The following PAK5 variants were observed in gnomAD, a reference collection of about 807,000 sequenced individuals.
The protein encoded by PAK5 is p21 (RAC1) activated kinase 5.
A neutral mutation model predicts 65.9 loss-of-function variants in PAK5; 16 were observed. That is an observed-to-expected ratio of 0.24 (90% CI 0.16 to 0.37). The LOEUF (loss-of-function observed/expected upper bound fraction) is 0.37. Among genes scored for constraint, PAK5 ranks in the 10% least tolerant of loss-of-function variants. PAK5 has a pLI of 1.00. For missense variants in PAK5, 785 were observed against 903.9 expected (o/e 0.87, Z 1.69); for synonymous variants, 371 against 354.9 (o/e 1.05, Z -0.51).
chr20:9,802,037 T>A (rs370654831), intron 1 of PAK5, among the ~76,000 whole-genome samples: 1 of 152,090 alleles, frequency 6.6e-6, no homozygotes, highest in African/African-American at 2.4e-5. Flanking sequence ...TGAGAATCCA[T>A]AAAAAATGCT....
chr20:9,681,516 C>T (rs1194147989), intron 2 of PAK5, among the ~76,000 whole-genome samples: 1 of 152,070 alleles, frequency 6.6e-6, no homozygotes, highest in Non-Finnish European at 1.5e-5. Flanking sequence ...CCTTTTCCCC[C>T]TTCTATTAGC....
chr20:9,681,642 A>G (rs557893324), intron 2 of PAK5, among the ~76,000 whole-genome samples: 15 of 152,252 alleles, frequency 9.9e-5, no homozygotes, highest in Non-Finnish European at 1.8e-4. Flanking sequence ...TTCCTGTTCA[A>G]TGTAAGAGCC....
chr20:9,767,655 T>G (rs765158264), intron 1 of PAK5, among the ~76,000 whole-genome samples: 1 of 152,112 alleles, frequency 6.6e-6, no homozygotes, highest in Non-Finnish European at 1.5e-5. Flanking sequence ...ACCTCTTGGA[T>G]AGTTTGGGGT....
chr20:9,605,467 G>A (rs548945064), intron 3 of PAK5, among the ~76,000 whole-genome samples: 4 of 152,230 alleles, frequency 2.6e-5, no homozygotes, highest in Non-Finnish European at 4.4e-5. Context: ...GGTCTTATGC[G>A]AACTATGGAA....
chr20:9,786,997 G>A (rs2048999717), intron 1 of PAK5, among the ~76,000 whole-genome samples: 1 of 152,052 alleles, frequency 6.6e-6, no homozygotes, highest in African/African-American at 2.4e-5. Flanking sequence ...AAGTATTTCT[G>A]AATCACTCCT....
rs1022040039 is a variant in PAK5, at chr20:9,580,280, C to A, written c.855G>T (p.Arg285Ser). 6 of 1,614,008 alleles carry A rather than the reference C, an allele frequency of 3.7e-6. No individual in the cohort carries two copies. In the African/African-American group the frequency reaches 4.0e-5, roughly 11 times the overall value. The change falls in exon 4 of 10, where the codon AGG becomes AGT. Residue 285 changes from arginine (R) to serine (S), a missense_variant. Physicochemically the swap from Arg to Ser is moderately radical, Grantham distance 110. Coordinates refer to ENST00000353224, the MANE Select transcript of PAK5 (RefSeq NM_177990.4). ...CCTGGAGTCCCGAGCCTGACCTGGA[C>A]CTCTGCCGCATGGTGGGCTGAGGGC... The part of the protein sequence containing the change: ...QTSPQPTMRQ[R>S]SRSGSGLQEP...
At chr20:9,574,383 A>C (rs1041678389) in intron 4 of PAK5, among the ~76,000 whole-genome samples, 1 of 152,156 alleles carries the variant, frequency 6.6e-6, no homozygotes. Flanking sequence ...AACCCCCCAC[A>C]GTTGCTGCTT....
At chr20:9,622,035 T>G (rs2046777081) in intron 3 of PAK5, among the ~76,000 whole-genome samples, 3 of 152,014 alleles carry the variant, frequency 2.0e-5, no homozygotes. Context: ...TGCAGAAGAA[T>G]CCCCATCTGA....
chr20:9,738,698 A>G lies in PAK5; in HGVS notation c.-161-27263T>C, dbSNP rs189429224. Among the ~76,000 whole-genome samples, 197 of 152,290 alleles carry G rather than the reference A, an allele frequency of 1.3e-3. 1 individual carries two copies. The highest frequency in any genetic ancestry group is 4.5e-3 in the African/African-American group (188 of 41,568). On this transcript the variant is annotated intron_variant, in intron 1 of 9. Coordinates refer to ENST00000353224, the MANE Select transcript of PAK5 (RefSeq NM_177990.4). ...AGGAAAAGGCATGAGAGAAATTTTAAAAGGCTGTAATAAAACTTCAGAGTG... is the reference window on the plus strand; with the variant it reads ...AGGAAAAGGCATGAGAGAAATTTTAGAAGGCTGTAATAAAACTTCAGAGTG...
intron 1 of PAK5, among the ~76,000 whole-genome samples, chr20:9,800,169 G>A (rs186488066): frequency 2.6e-5 from 4 of 152,110 alleles, no homozygotes; most frequent in Admixed American, 2.6e-4. Flanking sequence ...GATATTAGCT[G>A]AGCACTAGAA....
chr20:9,697,930 C>A (rs1046131028), intron 2 of PAK5, among the ~76,000 whole-genome samples: 12 of 151,976 alleles, frequency 7.9e-5, no homozygotes, highest in Non-Finnish European at 1.3e-4. Flanking sequence ...AAAACATTGA[C>A]TAATGTTTTA....
chr20:9,808,301 A>G (rs1186658846), intron 1 of PAK5, among the ~76,000 whole-genome samples: 1 of 152,238 alleles, frequency 6.6e-6, no homozygotes, highest in Non-Finnish European at 1.5e-5. Context: ...TGTGAAAATA[A>G]GAAGTATCAA....
intron 3 of PAK5, among the ~76,000 whole-genome samples, chr20:9,623,874 C>G (rs2064984305): frequency 6.6e-6 from 1 of 152,182 alleles, no homozygotes; most frequent in Non-Finnish European, 1.5e-5. Context: ...CCTCCTTAGA[C>G]CTGCAAATAT....
At chr20:9,731,084 A>T (rs1326762377) in intron 1 of PAK5, among the ~76,000 whole-genome samples, 1 of 152,214 alleles carries the variant, frequency 6.6e-6, no homozygotes, top group Non-Finnish European at 1.5e-5. Flanking sequence ...TTGGTTGAGC[A>T]TATCCCCTTG....
chr20:9,542,608 G>A lies in PAK5; in HGVS notation c.1982C>T (p.Pro661Leu). ...AMRRIRDSLP[P>L]RVKDLHKVSS... is the part of the protein sequence containing the mutation. ...CACCTTGTGTAGGTCCTTCACTCTT[G>A]GAGGTAAACTGTCCCGGATCCTCCG... Residue 661 changes from proline to leucine, a missense_variant, in exon 9 of 10, where the codon CCA becomes CTA. Around this residue, in one of 4 missense-constraint regions of PAK5, gnomAD observed 110 missense variants for 107.4 expected, o/e 1.02. Transcript: ENST00000353224. The A allele has an allele frequency of 1.2e-6, 2 of 1,613,978 alleles. No individual in the cohort carries two copies. The highest frequency in any genetic ancestry group is 1.7e-6 in the Non-Finnish European group (2 of 1,179,954).
intron 1 of PAK5, among the ~76,000 whole-genome samples, chr20:9,798,766 A>G (rs1001364701): frequency 6.6e-6 from 1 of 152,150 alleles, no homozygotes; most frequent in South Asian, 2.1e-4. Context: ...AACAATCATG[A>G]GTGGCTGGGT....
At chr20:9,803,208 G>A (rs2049193000) in intron 1 of PAK5, among the ~76,000 whole-genome samples, 1 of 151,926 alleles carries the variant, frequency 6.6e-6, no homozygotes, top group African/African-American at 2.4e-5. Context: ...CACTGCACAA[G>A]AGTAGCTCAT....
intron 3 of PAK5, among the ~76,000 whole-genome samples, chr20:9,606,375 G>C (rs567367355): frequency 5.8e-4 from 88 of 152,260 alleles, no homozygotes; most frequent in African/African-American, 2.1e-3. Flanking sequence ...GAGGAGGTGA[G>C]CCAATTACTC....
intron 3 of PAK5, among the ~76,000 whole-genome samples, chr20:9,583,519 C>G (rs2046016237): frequency 6.6e-6 from 1 of 152,164 alleles, no homozygotes; most frequent in Non-Finnish European, 1.5e-5. Flanking sequence ...TGTCTTTTTT[C>G]CTGCACCCCC....
Sources: allele counts gnomAD v4.1 joint callset (sites outside exome capture counted in the v4.1 genomes callset), GRCh38; gene constraint gnomAD v4.1.1; regional missense constraint gnomAD v4.1.1; transcripts MANE v1.5; gene names NCBI Gene and HGNC (gene_info 2026-07-23, HGNC 2026-07-21).